Variants in CFH observed in about 807,000 individuals in gnomAD.
The protein encoded by CFH is complement factor H.
In CFH, 53 loss-of-function variants were observed where a neutral mutation model predicts 147.3. That is an observed-to-expected ratio of 0.36 (90% CI 0.29 to 0.45). The LOEUF is 0.45. CFH is among the 20% of genes least tolerant of loss of function. CFH has a pLI of 1.00. For missense variants in CFH, 1,380 were observed against 1,498.0 expected (o/e 0.92, Z 1.30); for synonymous variants, 536 against 489.4 (o/e 1.10, Z -1.26).
intron 11 of CFH, among the ~76,000 whole-genome samples, chr1:196,718,449 C>A (rs1203135077): frequency 6.6e-6 from 1 of 151,910 alleles, no homozygotes; most frequent in Non-Finnish European, 1.5e-5. Context: ...AGAACTTGAC[C>A]TTTTTAATAA....
At chr1:196,698,532 T>C (rs1452178355) in intron 9 of CFH, among the ~76,000 whole-genome samples, 2 of 151,958 alleles carry the variant, frequency 1.3e-5, no homozygotes, top group African/African-American at 4.8e-5. Flanking sequence ...AAGAAAGAAG[T>C]CAAAACCCTG....
At chr1:196,743,172 C>T (rs1021682874) in intron 19 of CFH, among the ~76,000 whole-genome samples, 4 of 152,098 alleles carry the variant, frequency 2.6e-5, no homozygotes, top group Admixed American at 2.6e-4. Flanking sequence ...TCCAGGAAAA[C>T]TTTCGTTTAC....
intron 1 of CFH, among the ~76,000 whole-genome samples, chr1:196,668,513 A>T (rs1368461773): frequency 6.6e-6 from 1 of 152,162 alleles, no homozygotes; most frequent in East Asian, 1.9e-4. Context: ...CTCATCTTAA[A>T]TTATAATCTC....
At chr1:196,684,960 T>G (rs1219254054) in intron 6 of CFH, 104 bp from the exon 7 acceptor site, 1 of 874,250 alleles carries the variant, frequency 1.1e-6, no homozygotes, top group East Asian at 2.6e-5. Flanking sequence ...TTTTGTATTA[T>G]GCTAAGGACA....
At chr1:196,736,731 C>T (rs1457189029) in intron 15 of CFH, 93 bp from the exon 16 acceptor site, 1 of 518,958 alleles carries the variant, frequency 1.9e-6, no homozygotes, top group Non-Finnish European at 2.7e-6. Context: ...CTATTTTAAT[C>T]ATATAAATTA....
At position 196,679,342 on chromosome 1, in the gene CFH, G is replaced by A. The variant is rs939322390; in HGVS notation, c.620-281G>A. The A allele has an allele frequency of 2.1e-5, 5 of 242,058 alleles. No individual in the cohort carries two copies. The South Asian group carries it at 2.4e-4, about 12-fold the overall frequency. The allele number at this position is 242,058 out of a possible 1,614,324, so 15.0% of individuals were successfully genotyped here. A position where few individuals can be genotyped will look rare whatever the true frequency, so the allele number is the denominator to read the frequency against. On this transcript the variant is annotated intron_variant, in intron 5 of 21. Coordinates refer to ENST00000367429, the MANE Select transcript of CFH (RefSeq NM_000186.4). ...AACATCACAATAAAACTATATTTATGATCAATTTTATTTATACAGTTGATG... is the reference window on the plus strand; with the variant it reads ...AACATCACAATAAAACTATATTTATAATCAATTTTATTTATACAGTTGATG...
chr1:196,742,043 C>G lies in CFH; in HGVS notation c.3125C>G (p.Thr1042Arg), dbSNP rs1652824620. The change falls in exon 19 of 22, where the codon ACA becomes AGA. Residue 1042 changes from threonine (T) to arginine (R), a missense_variant. Thr to Arg is a moderately conservative substitution (Grantham distance 71, BLOSUM62 -1). Transcript: ENST00000367429. ...CINSRWTGRP[T>R]CRDTSCVNPP... is the part of the protein sequence containing the mutation. ...AATAGCAGATGGACAGGAAGGCCAA[C>G]ATGCAGAGGTACTTTGGTGAATTTT... 1 of 1,614,032 alleles carries G rather than the reference C, an allele frequency of 6.2e-7. No homozygotes were observed. The highest frequency in any genetic ancestry group is 8.5e-7 in the Non-Finnish European group (1 of 1,179,944).
intron 11 of CFH, among the ~76,000 whole-genome samples, chr1:196,717,220 T>C (rs901013591): frequency 1.3e-5 from 2 of 152,128 alleles, no homozygotes. Flanking sequence ...TTGCTGGGCA[T>C]GTATCTTTGG....
rs55931547 is a variant in CFH, at chr1:196,728,501, G to A, written c.2392G>A (p.Asp798Asn). 33 of 1,612,734 alleles carry A rather than the reference G, an allele frequency of 2.0e-5. 1 individual carries two copies. The East Asian group carries it at 5.4e-4, about 26-fold the overall frequency. Residue 798 changes from aspartate (D) to asparagine (N), a missense_variant, in exon 15 of 22, where the codon GAT becomes AAT. Around this residue, in one of 4 missense-constraint regions of CFH, gnomAD observed 830 missense variants for 821.4 expected, o/e 1.01. Transcript: ENST00000367429. ...CACAGTCTGCATAAATGGAAGATGGGATCCAGAAGTGAACTGCTCAAGTAA... is the reference window on the plus strand; with the variant it reads ...CACAGTCTGCATAAATGGAAGATGGAATCCAGAAGTGAACTGCTCAAGTAA... Reference protein sequence around the residue: ...IHTVCINGRWDPEVNCSMAQI... With the variant: ...IHTVCINGRWNPEVNCSMAQI...
At chr1:196,691,645 C>T (rs1367145233) in intron 9 of CFH, among the ~76,000 whole-genome samples, 5 of 151,738 alleles carry the variant, frequency 3.3e-5, no homozygotes, top group Non-Finnish European at 7.4e-5. Flanking sequence ...ATCATCTTAA[C>T]AATTCTGAAT....
chr1:196,686,278 G>A lies in CFH; in HGVS notation c.964+1041G>A, dbSNP rs77294182. ...TAACTTCAGCCATATCTATTCTTTC[G>A]AAGTGAGACACTAAGTCCAGCATAT... is the stretch of plus-strand genomic sequence containing the variant. On this transcript the variant is annotated intron_variant, in intron 7 of 21. Coordinates refer to ENST00000367429, the MANE Select transcript of CFH (RefSeq NM_000186.4). 2.9e-3 allele frequency among the ~76,000 whole-genome samples: 441 copies of A among 152,126 alleles called. 2 individuals carry two copies. The highest frequency in any genetic ancestry group is 0.021 in the East Asian group (107 of 5,158).
intron 1 of CFH, among the ~76,000 whole-genome samples, chr1:196,654,748 A>T (rs564778961): frequency 6.6e-6 from 1 of 152,298 alleles, no homozygotes; most frequent in Non-Finnish European, 1.5e-5. Context: ...CATGTTTTTT[A>T]ATCCTGGAGA....
chr1:196,711,566 AT>A (rs889707865), intron 9 of CFH, among the ~76,000 whole-genome samples: 4 of 150,962 alleles, frequency 2.6e-5, no homozygotes, highest in Admixed American at 1.3e-4. Context: ...ACTTGTTTTA[AT>A]TTTTTTTTAA....
chr1:196,717,771 C>T (rs1000215140), intron 11 of CFH, among the ~76,000 whole-genome samples: 3 of 152,038 alleles, frequency 2.0e-5, no homozygotes, highest in African/African-American at 7.2e-5. Flanking sequence ...TACATAGTTG[C>T]CCTGAGAAAA....
Position 196,703,209 on chromosome 1 carries a change from C to T in CFH, c.1337-10526C>T, listed in dbSNP as rs550743677. Among the ~76,000 whole-genome samples the T allele has an allele frequency of 3.3e-5, 5 of 152,268 alleles. No homozygotes were observed. In the South Asian group the frequency reaches 6.2e-4, roughly 19 times the overall value. On this transcript the variant is annotated intron_variant, in intron 9 of 21. Transcript: ENST00000367429. ...GTAGTCCCTGGACCACAACAAGGGCCGTCATCAGACACTCCATCTATGGTA... is the reference window on the plus strand; with the variant it reads ...GTAGTCCCTGGACCACAACAAGGGCTGTCATCAGACACTCCATCTATGGTA...
At chr1:196,656,673 C>A (rs1344863099) in intron 1 of CFH, among the ~76,000 whole-genome samples, 4 of 145,260 alleles carry the variant, frequency 2.8e-5, no homozygotes, top group African/African-American at 5.2e-5. Context: ...ATACTTGGTA[C>A]AATGTGTGTT....
Position 196,690,053 on chromosome 1 carries a change from T to C in CFH, c.1160-10T>C, listed in dbSNP as rs775497289. ...TTACTTTATTTATTTATCATTGTTATGGTCCTTAGGAAAATGTTATTTTCC... is the reference window on the plus strand; with the variant it reads ...TTACTTTATTTATTTATCATTGTTACGGTCCTTAGGAAAATGTTATTTTCC... On this transcript the variant is annotated splice_polypyrimidine_tract_variant and intron_variant, in intron 8 of 21. Coordinates refer to ENST00000367429, the MANE Select transcript of CFH (RefSeq NM_000186.4). 25 of 1,600,674 alleles carry C rather than the reference T, an allele frequency of 1.6e-5. No homozygotes were observed. The highest frequency in any genetic ancestry group is 8.4e-5 in the Admixed American group (5 of 59,390).
chr1:196,705,451 G>A (rs1038612949), intron 9 of CFH, among the ~76,000 whole-genome samples: 25 of 152,058 alleles, frequency 1.6e-4, no homozygotes, highest in African/African-American at 5.6e-4. Flanking sequence ...TCTCTATGAA[G>A]CCCTAAGACC....
At chr1:196,714,701 A>AGAGAGAGGGAGG (rs1553278115) in intron 10 of CFH, among the ~76,000 whole-genome samples, 1 of 69,246 alleles carries the variant, frequency 1.4e-5, no homozygotes, top group African/African-American at 6.4e-5. Context: ...AGAGAGAGAG[A>AGAGAGAGGGAGG]GAGAGAGAGA....
Sources: gnomAD v4.1 joint callset for allele counts (sites outside exome capture counted in the v4.1 genomes callset) on GRCh38, gnomAD v4.1.1 for gene constraint, gnomAD v4.1.1 regional missense constraint, MANE v1.5 for transcripts, NCBI Gene and HGNC (gene_info 2026-07-23, HGNC 2026-07-21) for gene names.